Variants in NBAS observed in about 807,000 individuals in gnomAD.
NBAS encodes the protein NAG/BC035112 fusion.
A neutral mutation model predicts 302.5 loss-of-function variants in NBAS; 219 were observed. The observed-to-expected ratio is 0.72, with a 90% CI of 0.65 to 0.81. NBAS has a LOEUF of 0.81. Among genes scored for constraint, NBAS ranks in the 30% least tolerant of loss-of-function variants. The probability of loss-of-function intolerance (pLI) is 0.00; values close to 1 mark genes in which losing one functional copy is unlikely to be tolerated. For synonymous variants in NBAS, 1,118 were observed against 1,021.6 expected, an observed-to-expected ratio of 1.09 and a Z score of -1.80; for missense variants, 2,932 against 2,841.6, an observed-to-expected ratio of 1.03 and a Z score of -0.72.
At chr2:14,820,765 G>A in the NBAS span, among the ~76,000 whole-genome samples, 2 of 152,238 alleles carry the variant, frequency 1.3e-5, no homozygotes, top group Admixed American at 1.3e-4. Flanking sequence ...TCTTGAGAGT[G>A]AATAAGCAGT....
At chr2:15,336,567 C>G (rs951860252) in intron 35 of NBAS, among the ~76,000 whole-genome samples, 1 of 152,062 alleles carries the variant, frequency 6.6e-6, no homozygotes, top group African/African-American at 2.4e-5. Flanking sequence ...CCCGTCTCTA[C>G]TAAAAACACA....
At chr2:15,401,633 C>T (rs1482929284) in intron 26 of NBAS, among the ~76,000 whole-genome samples, 1 of 152,072 alleles carries the variant, frequency 6.6e-6, no homozygotes, top group Non-Finnish European at 1.5e-5. Context: ...TAGATTGCTA[C>T]CTGACTTCCA....
At chr2:15,027,715 A>T in the NBAS span, among the ~76,000 whole-genome samples, 5 of 152,158 alleles carry the variant, frequency 3.3e-5, no homozygotes, top group Non-Finnish European at 7.4e-5. Context: ...CCTAATTTTA[A>T]TGAATTTTTT....
the NBAS span, among the ~76,000 whole-genome samples, chr2:15,113,987 A>G: frequency 6.6e-6 from 1 of 152,140 alleles, no homozygotes; most frequent in African/African-American, 2.4e-5. Context: ...ACTATCTACG[A>G]AATAGTTTTG....
the NBAS span, among the ~76,000 whole-genome samples, chr2:14,808,605 C>T: frequency 1.4e-3 from 215 of 152,318 alleles, 2 homozygotes; most frequent in African/African-American, 4.9e-3. Flanking sequence ...TGTGAGGCTT[C>T]GCCAGCCATG....
intron 21 of NBAS, among the ~76,000 whole-genome samples, chr2:15,431,662 G>T (rs1572840158): frequency 6.6e-6 from 1 of 152,236 alleles, no homozygotes; most frequent in East Asian, 1.9e-4. Flanking sequence ...GGGATAGTTT[G>T]TTCATGAAAA....
At chr2:15,197,185 C>T (rs938822152) in intron 48 of NBAS, among the ~76,000 whole-genome samples, 10 of 152,156 alleles carry the variant, frequency 6.6e-5, no homozygotes. Flanking sequence ...CGTCTCAATG[C>T]TATGTATAAG....
chr2:15,276,767 T>G (rs1669599920), intron 43 of NBAS, 84 bp downstream of exon 43: 1 of 1,599,562 alleles, frequency 6.3e-7, no homozygotes, highest in African/African-American at 1.3e-5. Flanking sequence ...GCAACCATAA[T>G]GCATGAACAG....
At chr2:15,090,092 G>T in the NBAS span, among the ~76,000 whole-genome samples, 1 of 152,136 alleles carries the variant, frequency 6.6e-6, no homozygotes, top group Non-Finnish European at 1.5e-5. Flanking sequence ...GCATAGATAG[G>T]ACTCTGAATT....
At chr2:14,839,804 A>T in the NBAS span, among the ~76,000 whole-genome samples, 1 of 152,008 alleles carries the variant, frequency 6.6e-6, no homozygotes, top group African/African-American at 2.4e-5. Context: ...CACACCTAGT[A>T]GAAGCCCAAA....
At chr2:14,899,317 G>A in the NBAS span, among the ~76,000 whole-genome samples, 2 of 152,202 alleles carry the variant, frequency 1.3e-5, no homozygotes, top group African/African-American at 2.4e-5. Context: ...TGAAGTCCAT[G>A]AGTAATACTA....
intron 35 of NBAS, among the ~76,000 whole-genome samples, chr2:15,348,331 C>T (rs910399597): frequency 7.9e-5 from 12 of 152,096 alleles, no homozygotes; most frequent in Non-Finnish European, 1.5e-4. Context: ...AACTCCTTTT[C>T]CTTGCTAAGT....
chr2:15,449,201 T>A (rs1046563040), intron 21 of NBAS, among the ~76,000 whole-genome samples: 1 of 152,210 alleles, frequency 6.6e-6, no homozygotes, highest in East Asian at 1.9e-4. Context: ...TGGAAAATAG[T>A]TACATTCACA....
the NBAS span, among the ~76,000 whole-genome samples, chr2:15,124,557 A>C: frequency 1.3e-5 from 2 of 152,202 alleles, no homozygotes. Context: ...AAGATATTTC[A>C]GAGATTTCTA....
chr2:14,978,581 G>A, the NBAS span, among the ~76,000 whole-genome samples: 2 of 152,134 alleles, frequency 1.3e-5, no homozygotes, highest in Admixed American at 1.3e-4. Context: ...CACATAATAG[G>A]TAGACAACTA....
intron 44 of NBAS, among the ~76,000 whole-genome samples, chr2:15,244,896 G>A (rs1668020518): frequency 6.6e-6 from 1 of 152,076 alleles, no homozygotes; most frequent in Admixed American, 6.5e-5. Context: ...GGGTTTCATG[G>A]CTAGGTGGGC....
At chr2:15,393,609 A>ACAAAT in intron 28 of NBAS, 1 of 453,378 alleles carries the variant, frequency 2.2e-6, no homozygotes, top group Non-Finnish European at 4.6e-6. Context: ...TTTGTCTGAG[A>ACAAAT]GAAATGAAAG....
chr2:15,098,390 GTATATTA>G, the NBAS span, among the ~76,000 whole-genome samples: 4 of 8,162 alleles, frequency 4.9e-4, 2 homozygotes, highest in African/African-American at 5.7e-4. Flanking sequence ...ATGATATATT[GTATATTA>G]TATATTATAT....
At position 15,474,178 on chromosome 2, in the gene NBAS, C is replaced by G; in HGVS notation, c.1488G>C (p.Val496=). 6.2e-7 allele frequency: 1 copy of G among 1,614,130 alleles called. No homozygotes were observed. Among genetic ancestry groups the G allele is most frequent in the Non-Finnish European group, 8.5e-7 (1 of 1,180,034 alleles). The part of the protein sequence containing the change: ...FGYIKQGLYL[V]TEMERFAPPR... ...GTGGTGCAAATCGCTCCATTTCAGT[C>G]ACCAAGTAAAGGCCCTGTTTTATAT... Residue 496 remains valine (V), a synonymous_variant, in exon 15 of 52, where the codon GTG becomes GTC. Coordinates refer to ENST00000281513, the MANE Select transcript of NBAS (RefSeq NM_015909.4).
Sources: allele counts gnomAD v4.1 joint callset (sites outside exome capture counted in the v4.1 genomes callset), GRCh38; gene constraint gnomAD v4.1.1; transcripts MANE v1.5; gene names NCBI Gene and HGNC (gene_info 2026-07-23, HGNC 2026-07-21).